TEAD1: variants seen among roughly 807,000 people sequenced by gnomAD.
The protein encoded by TEAD1 is TEA domain transcription factor 1.
A neutral mutation model predicts 54.9 loss-of-function variants in TEAD1; 9 were observed. The observed-to-expected ratio is 0.16, with a 90% CI of 0.10 to 0.29. TEAD1 has a LOEUF of 0.29. Among genes scored for constraint, TEAD1 ranks in the 10% least tolerant of loss-of-function variants. The pLI is 1.00. For synonymous variants in TEAD1, 200 were observed against 187.8 expected, an observed-to-expected ratio of 1.07 and a Z score of -0.53; for missense variants, 387 against 535.9, an observed-to-expected ratio of 0.72 and a Z score of 2.74.
chr11:12,872,755 A>G (rs1947778126), intron 5 of TEAD1, among the ~76,000 whole-genome samples: 1 of 152,206 alleles, frequency 6.6e-6, no homozygotes. Flanking sequence ...ATGCCCTAGA[A>G]TGACATCTAT....
chr11:12,857,989 G>T (rs1050575190), intron 3 of TEAD1, among the ~76,000 whole-genome samples: 1 of 152,126 alleles, frequency 6.6e-6, no homozygotes, highest in African/African-American at 2.4e-5. Flanking sequence ...CCACAGTCCC[G>T]TGCTACTTGG....
intron 9 of TEAD1, among the ~76,000 whole-genome samples, chr11:12,887,958 C>T (rs975554285): frequency 2.7e-4 from 41 of 152,152 alleles, no homozygotes; most frequent in African/African-American, 8.2e-4. Context: ...TTCTTTGTAA[C>T]GGCTTAGGCT....
At chr11:12,756,063 C>T (rs1392359437) in intron 2 of TEAD1, among the ~76,000 whole-genome samples, 1 of 152,132 alleles carries the variant, frequency 6.6e-6, no homozygotes, top group Non-Finnish European at 1.5e-5. Flanking sequence ...GTACTTAGGG[C>T]TGATGGAGCG....
intron 3 of TEAD1, among the ~76,000 whole-genome samples, chr11:12,853,413 T>C (rs527700800): frequency 6.6e-6 from 1 of 152,238 alleles, no homozygotes; most frequent in Non-Finnish European, 1.5e-5. Flanking sequence ...TGGAAGGTCT[T>C]ATAACTGAGA....
At chr11:12,828,055 C>T (rs1946692204) in intron 3 of TEAD1, 1 of 152,170 alleles carries the variant, frequency 6.6e-6, no homozygotes, top group Admixed American at 6.5e-5. Context: ...GAGCAGTGAC[C>T]ACAGTGGAGC....
At chr11:12,742,469 C>T (rs575373389) in intron 2 of TEAD1, among the ~76,000 whole-genome samples, 1 of 152,152 alleles carries the variant, frequency 6.6e-6, no homozygotes. Flanking sequence ...GGAGCTTGAT[C>T]AAAGTGTGCA....
chr11:12,861,606 C>T (rs1323593827), intron 3 of TEAD1, among the ~76,000 whole-genome samples: 1 of 152,172 alleles, frequency 6.6e-6, no homozygotes, highest in Non-Finnish European at 1.5e-5. Context: ...TTTGTTTAGT[C>T]CCAGACTAAT....
At chr11:12,781,437 T>C (rs1051415735) in intron 3 of TEAD1, among the ~76,000 whole-genome samples, 4 of 152,084 alleles carry the variant, frequency 2.6e-5, no homozygotes, top group Non-Finnish European at 4.4e-5. Context: ...GTAAGCAACT[T>C]GTATCTAGAA....
chr11:12,856,744 G>A lies in TEAD1; in HGVS notation c.203-5506G>A, dbSNP rs540473517. Among the ~76,000 whole-genome samples the A allele has an allele frequency of 1.1e-4, 17 of 152,332 alleles. No individual in the cohort carries two copies. In the South Asian group the frequency reaches 2.9e-3, roughly 26 times the overall value. On this transcript the variant is annotated intron_variant, in intron 3 of 12. Transcript: ENST00000527636. ...ACATCCTTCCCAGTGAAGGGAAAGG[G>A]CCAGCAGATGTTTCCTTAGAGAAGC...
chr11:12,895,514 C>G (rs1948297160), intron 9 of TEAD1, among the ~76,000 whole-genome samples: 2 of 152,184 alleles, frequency 1.3e-5, no homozygotes, highest in South Asian at 4.1e-4. Flanking sequence ...GCTTTGCAGT[C>G]TGACCCGAGC....
intron 2 of TEAD1, among the ~76,000 whole-genome samples, chr11:12,680,548 G>C (rs1193876984): frequency 6.6e-6 from 1 of 152,210 alleles, no homozygotes; most frequent in African/African-American, 2.4e-5. Flanking sequence ...CTGGGAGCCT[G>C]CCTGGCTCGC....
chr11:12,711,430 T>C (rs561909650), intron 2 of TEAD1, among the ~76,000 whole-genome samples: 8 of 152,236 alleles, frequency 5.3e-5, no homozygotes, highest in African/African-American at 1.9e-4. Context: ...GGTCAAACCC[T>C]GGTCTTTTAG....
chr11:12,803,677 T>C (rs1430428719), intron 3 of TEAD1, among the ~76,000 whole-genome samples: 2 of 152,200 alleles, frequency 1.3e-5, no homozygotes, highest in Non-Finnish European at 2.9e-5. Flanking sequence ...AGGAGGCAGA[T>C]GGGAAAGAAG....
chr11:12,745,891 C>A (rs1455609471), intron 2 of TEAD1, among the ~76,000 whole-genome samples: 8 of 152,162 alleles, frequency 5.3e-5, no homozygotes, highest in Non-Finnish European at 1.5e-5. Context: ...TTCTTTTGCA[C>A]GTACGGGATT....
chr11:12,899,761 C>T (rs528838433), intron 9 of TEAD1, among the ~76,000 whole-genome samples: 3 of 152,302 alleles, frequency 2.0e-5, no homozygotes, highest in African/African-American at 7.2e-5. Flanking sequence ...CTCTCTTTCA[C>T]CTCACCTGAT....
intron 3 of TEAD1, among the ~76,000 whole-genome samples, chr11:12,833,844 A>G (rs1648980632): frequency 6.6e-6 from 1 of 152,148 alleles, no homozygotes; most frequent in South Asian, 2.1e-4. Context: ...AGAATCCCAT[A>G]GGTGCCTCCC....
intron 10 of TEAD1, among the ~76,000 whole-genome samples, chr11:12,902,973 G>A (rs1948450819): frequency 6.6e-6 from 1 of 152,112 alleles, no homozygotes; most frequent in Non-Finnish European, 1.5e-5. Context: ...TAATCCCATT[G>A]CATTTGGTAA....
chr11:12,828,841 T>A (rs938388311), intron 3 of TEAD1, among the ~76,000 whole-genome samples: 18 of 119,562 alleles, frequency 1.5e-4, no homozygotes, highest in Non-Finnish European at 3.0e-4. Flanking sequence ...TTGTCCTGAA[T>A]TTTTTTTTTT....
At chr11:12,831,723 A>G (rs1318238074) in intron 3 of TEAD1, among the ~76,000 whole-genome samples, 1 of 151,848 alleles carries the variant, frequency 6.6e-6, no homozygotes, top group Non-Finnish European at 1.5e-5. Context: ...AGGTTGCAAC[A>G]AGCCGAGATC....
Sources: gnomAD v4.1 joint callset for allele counts (sites outside exome capture counted in the v4.1 genomes callset) on GRCh38, gnomAD v4.1.1 for gene constraint, MANE v1.5 for transcripts, NCBI Gene and HGNC (gene_info 2026-07-23, HGNC 2026-07-21) for gene names.